Variants in PARD3B observed in about 807,000 individuals in gnomAD.
PARD3B encodes the protein par-3 family cell polarity regulator beta.
Under a neutral mutation model 130.2 loss-of-function variants are expected in PARD3B, and 103 were observed. The observed-to-expected ratio is 0.79, with a 90% CI of 0.67 to 0.93. PARD3B has a LOEUF of 0.93. Among genes scored for constraint, PARD3B ranks in the 40% least tolerant of loss-of-function variants. PARD3B has a pLI of 0.00. For synonymous variants in PARD3B, 583 were observed against 553.2 expected, an observed-to-expected ratio of 1.05 and a Z score of -0.76; for missense variants, 1,609 against 1,499.2, an observed-to-expected ratio of 1.07 and a Z score of -1.21.
intron 4 of PARD3B, among the ~76,000 whole-genome samples, chr2:205,067,095 CTTT>C (rs10672449): frequency 3.3e-5 from 2 of 59,712 alleles, no homozygotes. Flanking sequence ...TTTTACTAGG[CTTT>C]TTTTTTTTTT....
intron 19 of PARD3B, among the ~76,000 whole-genome samples, chr2:205,436,245 T>C (rs1477134010): frequency 2.0e-5 from 3 of 152,198 alleles, no homozygotes; most frequent in African/African-American, 2.4e-5. Flanking sequence ...GGAGACTGTA[T>C]ATCAACACAT....
At chr2:204,780,436 C>G (rs978870481) in intron 2 of PARD3B, among the ~76,000 whole-genome samples, 1 of 152,074 alleles carries the variant, frequency 6.6e-6, no homozygotes, top group Admixed American at 6.6e-5. Flanking sequence ...CTGCATGAAA[C>G]AGATTTTTTA....
intron 2 of PARD3B, among the ~76,000 whole-genome samples, chr2:204,938,385 T>G (rs1688628662): frequency 6.6e-6 from 1 of 152,184 alleles, no homozygotes; most frequent in South Asian, 2.1e-4. Context: ...CACATGCTGT[T>G]CCCTCTGCGT....
chr2:205,099,996 G>C (rs1414400427), intron 4 of PARD3B, among the ~76,000 whole-genome samples: 1 of 152,104 alleles, frequency 6.6e-6, no homozygotes, highest in Non-Finnish European at 1.5e-5. Flanking sequence ...TTACCCTTGA[G>C]CAGATTATGA....
At chr2:204,858,409 A>G (rs2045042600) in intron 2 of PARD3B, among the ~76,000 whole-genome samples, 1 of 151,952 alleles carries the variant, frequency 6.6e-6, no homozygotes, top group African/African-American at 2.4e-5. Context: ...CTATGCCACA[A>G]CATGGATGGT....
At chr2:204,837,918 A>G (rs2044109546) in intron 2 of PARD3B, among the ~76,000 whole-genome samples, 1 of 151,904 alleles carries the variant, frequency 6.6e-6, no homozygotes, top group Non-Finnish European at 1.5e-5. Context: ...CACCCCAACA[A>G]CCCACCCCCA....
At position 205,398,297 on chromosome 2, in the gene PARD3B, G is replaced by A. The variant is rs2046106617; in HGVS notation, c.2631-2716G>A. Among the ~76,000 whole-genome samples the A allele has an allele frequency of 4.9e-5, 7 of 141,546 alleles. No homozygotes were observed. The South Asian group carries it at 1.5e-3, about 30-fold the overall frequency. 92.9% of individuals were successfully genotyped at this position (141,546 alleles called of 152,430 possible). A position where few individuals can be genotyped will look rare whatever the true frequency, so the allele number is the denominator to read the frequency against. ...ACCTCAGTAACAAGAGTGAAACAAC[G>A]TCTCAACAAAAAAAGAAAGAAAGTT... On this transcript the variant is annotated intron_variant, in intron 18 of 22. Transcript: ENST00000406610.
At chr2:204,656,207 C>T (rs924179705) in intron 1 of PARD3B, among the ~76,000 whole-genome samples, 9 of 152,128 alleles carry the variant, frequency 5.9e-5, no homozygotes, top group African/African-American at 2.2e-4. Flanking sequence ...TGCAGAGTTG[C>T]ATGGCAAAGG....
In PARD3B at chr2:205,590,806, T is replaced by TA. The variant is rs2054361578; in HGVS notation, c.3261-24644dup. Among the ~76,000 whole-genome samples the TA allele has an allele frequency of 6.6e-6, 1 of 152,174 alleles. No individual in the cohort carries two copies. Among genetic ancestry groups the TA allele is most frequent in the South Asian group, 2.1e-4 (1 of 4,822 alleles). ...AGAAGTAGGATGAGTACCAAATCCC[T>TA]AAAAAATGTTCTGTCAAACCAGTAC... On this transcript the variant is annotated intron_variant, in intron 22 of 22. Coordinates refer to ENST00000406610, the MANE Select transcript of PARD3B (RefSeq NM_001302769.2). This position sits in a 1 kb window ranked among gnomAD's most constrained non-coding sequence, Gnocchi z 4.1.
Position 205,552,591 on chromosome 2 carries a change from C to T in PARD3B, c.3181-733C>T, listed in dbSNP as rs563426176. ...ACCCGGCTAATTTTTGTATCTTCAGCAGAGATGGGGTTTCACTATGTTGGC... is the reference window on the plus strand; with the variant it reads ...ACCCGGCTAATTTTTGTATCTTCAGTAGAGATGGGGTTTCACTATGTTGGC... On this transcript the variant is annotated intron_variant, in intron 21 of 22. Transcript: ENST00000406610. Among the ~76,000 whole-genome samples the T allele has an allele frequency of 5.3e-5, 8 of 151,936 alleles. No individual in the cohort carries two copies. The South Asian group carries it at 1.7e-3, about 32-fold the overall frequency.
intron 3 of PARD3B, among the ~76,000 whole-genome samples, chr2:205,014,035 G>C (rs1353633458): frequency 3.3e-5 from 5 of 152,174 alleles, no homozygotes; most frequent in Admixed American, 1.3e-4. Flanking sequence ...TCTGCTACCA[G>C]AATTGCCTTG....
At chr2:205,199,336 G>GA (rs2036861618) in intron 15 of PARD3B, among the ~76,000 whole-genome samples, 1 of 152,128 alleles carries the variant, frequency 6.6e-6, no homozygotes, top group Non-Finnish European at 1.5e-5. Flanking sequence ...AGAAAGGGAA[G>GA]AGGCATCTGA....
chr2:205,516,787 A>G (rs1484755339), intron 21 of PARD3B, among the ~76,000 whole-genome samples: 2 of 151,254 alleles, frequency 1.3e-5, no homozygotes, highest in East Asian at 2.0e-4. Flanking sequence ...TCTGGCTGGG[A>G]CTTCCAATAC....
chr2:205,239,106 A>T (rs758295503), intron 15 of PARD3B, among the ~76,000 whole-genome samples: 1 of 151,622 alleles, frequency 6.6e-6, no homozygotes, highest in African/African-American at 2.4e-5. Context: ...ACATTTTACA[A>T]ATAAGTTCAG....
rs569187168 is a variant in PARD3B, at chr2:205,044,268, G to A, written c.395-3313G>A. ...GTGAATAATGCCGCAATAAACATAC[G>A]TGTGCATGTGTCTTTATAGCAGCAT... On this transcript the variant is annotated intron_variant, in intron 3 of 22. Transcript: ENST00000406610. Among the ~76,000 whole-genome samples the A allele has an allele frequency of 8.9e-3, 1,305 of 147,186 alleles. 10 individuals are homozygous for A. Among genetic ancestry groups the A allele is most frequent in the African/African-American group, 0.03 (1,179 of 39,708 alleles).
chr2:204,557,163 A>T (rs1203321069), intron 1 of PARD3B, among the ~76,000 whole-genome samples: 1 of 152,006 alleles, frequency 6.6e-6, no homozygotes, highest in Non-Finnish European at 1.5e-5. Context: ...CATTCACCAC[A>T]TGGCTTCACC....
intron 1 of PARD3B, among the ~76,000 whole-genome samples, chr2:204,660,484 G>A (rs936017839): frequency 6.6e-6 from 1 of 152,126 alleles, no homozygotes; most frequent in Admixed American, 6.6e-5. Context: ...GAAAATATAA[G>A]ACATAGAAAT....
intron 2 of PARD3B, among the ~76,000 whole-genome samples, chr2:204,862,052 G>A (rs367998125): frequency 1.3e-5 from 2 of 151,716 alleles, no homozygotes; most frequent in African/African-American, 4.8e-5. Flanking sequence ...AGGTAAAGAG[G>A]GTCTAAATCA....
intron 2 of PARD3B, among the ~76,000 whole-genome samples, chr2:204,821,633 T>G (rs563159135): frequency 6.6e-6 from 1 of 151,856 alleles, no homozygotes; most frequent in African/African-American, 2.4e-5. Context: ...GCATGGCACA[T>G]GTATACATAT....
Sources: gnomAD v4.1 joint callset for allele counts (sites outside exome capture counted in the v4.1 genomes callset) on GRCh38, gnomAD v4.1.1 for gene constraint, Gnocchi (gnomAD v3.1) non-coding constraint, MANE v1.5 for transcripts, NCBI Gene and HGNC (gene_info 2026-07-23, HGNC 2026-07-21) for gene names.